The following AGBL3 variants were observed in gnomAD, a reference collection of about 807,000 sequenced individuals.
The protein encoded by AGBL3 is cytosolic carboxypeptidase 3.
AGBL3 carries 68 observed loss-of-function variants against 94.5 expected under a neutral mutation model. That is an observed-to-expected ratio of 0.72 (90% CI 0.59 to 0.88). The LOEUF is 0.88. Among genes scored for constraint, AGBL3 ranks in the 40% least tolerant of loss-of-function variants. The pLI is 0.00. For missense variants in AGBL3, 934 were observed against 1,103.8 expected, an observed-to-expected ratio of 0.85 and a Z score of 2.18; for synonymous variants, 354 against 370.7, an observed-to-expected ratio of 0.95 and a Z score of 0.52.
Position 135,128,031 on chromosome 7 carries a change from C to T in AGBL3, c.2343-6810C>T, listed in dbSNP as rs184547836. ...GGGATCTGCCAGGCACGGTGGCTCACGCCTATAATCCCAGCTCTTTGGGAG... is the reference window on the plus strand; with the variant it reads ...GGGATCTGCCAGGCACGGTGGCTCATGCCTATAATCCCAGCTCTTTGGGAG... On this transcript the variant is annotated intron_variant, in intron 16 of 16. Transcript: ENST00000436302. Among the ~76,000 whole-genome samples the T allele has an allele frequency of 4.0e-3, 604 of 152,174 alleles. 10 individuals are homozygous for T. The highest frequency in any genetic ancestry group is 0.02 in the Middle Eastern group (6 of 294).
At chr7:135,015,738 G>T (rs940491888) in intron 4 of AGBL3, among the ~76,000 whole-genome samples, 6 of 151,826 alleles carry the variant, frequency 4.0e-5, no homozygotes, top group Non-Finnish European at 5.9e-5. Flanking sequence ...ACACAGGCCG[G>T]GCATGGTGGC....
chr7:135,012,921 AAC>A (rs550890036), intron 4 of AGBL3, among the ~76,000 whole-genome samples: 2 of 152,290 alleles, frequency 1.3e-5, no homozygotes, highest in South Asian at 4.1e-4. Context: ...AGAAAAAAGA[AAC>A]AATGAAAAAT....
intron 4 of AGBL3, among the ~76,000 whole-genome samples, chr7:135,014,235 T>C (rs1233992833): frequency 7.0e-6 from 1 of 143,528 alleles, no homozygotes; most frequent in African/African-American, 2.6e-5. Context: ...AAACCCGAAA[T>C]GTTGATACCT....
chr7:135,035,966 G>A (rs1179347070), intron 7 of AGBL3, among the ~76,000 whole-genome samples: 1 of 152,066 alleles, frequency 6.6e-6, no homozygotes. Context: ...GGCAGCAAAT[G>A]AGAAAAGGGC....
At chr7:135,016,436 T>TAA (rs1028957587) in intron 4 of AGBL3, among the ~76,000 whole-genome samples, 5 of 146,840 alleles carry the variant, frequency 3.4e-5, no homozygotes, top group African/African-American at 1.2e-4. Context: ...CTTCGTTCAT[T>TAA]AAAAAAAAAA....
At chr7:135,052,970 A>G (rs1419926561) in intron 11 of AGBL3, among the ~76,000 whole-genome samples, 2 of 152,208 alleles carry the variant, frequency 1.3e-5, no homozygotes, top group African/African-American at 4.8e-5. Context: ...ACTTTGTAAC[A>G]TCTGATACAC....
intron 15 of AGBL3, among the ~76,000 whole-genome samples, chr7:135,112,155 T>A (rs1825730716): frequency 6.6e-6 from 1 of 152,368 alleles, no homozygotes; most frequent in Admixed American, 6.5e-5. Flanking sequence ...ATCCTAATGC[T>A]ACCGCTAATT....
intron 4 of AGBL3, among the ~76,000 whole-genome samples, chr7:135,004,868 A>C (rs1812190132): frequency 6.6e-6 from 1 of 151,354 alleles, no homozygotes; most frequent in Non-Finnish European, 1.5e-5. Flanking sequence ...TATTAGTTCT[A>C]GTTTTGTGCT....
At chr7:135,067,932 C>T (rs1485110629) in intron 12 of AGBL3, among the ~76,000 whole-genome samples, 1 of 152,090 alleles carries the variant, frequency 6.6e-6, no homozygotes, top group Non-Finnish European at 1.5e-5. Flanking sequence ...GACAATCAAA[C>T]TACTCCAAGC....
intron 4 of AGBL3, among the ~76,000 whole-genome samples, chr7:135,001,774 A>G (rs183822772): frequency 1.3e-5 from 2 of 152,330 alleles, no homozygotes; most frequent in African/African-American, 2.4e-5. Context: ...CTGAAATTCA[A>G]GCTTGGCCCA....
intron 15 of AGBL3, among the ~76,000 whole-genome samples, chr7:135,103,465 T>G (rs1262490194): frequency 2.0e-5 from 3 of 152,184 alleles, no homozygotes; most frequent in Non-Finnish European, 4.4e-5. Context: ...GTTTCTTTAT[T>G]TTCTTAATAT....
chr7:135,058,963 G>A (rs1392162389), intron 11 of AGBL3, among the ~76,000 whole-genome samples: 2 of 152,106 alleles, frequency 1.3e-5, no homozygotes, highest in Non-Finnish European at 2.9e-5. Context: ...CACCATGTTG[G>A]TCAGGCTGGT....
chr7:135,084,359 G>T (rs1006547986), intron 15 of AGBL3, among the ~76,000 whole-genome samples: 7 of 152,006 alleles, frequency 4.6e-5, no homozygotes, highest in Non-Finnish European at 8.8e-5. Context: ...TTCAAAATCT[G>T]CTCTCCTAGC....
At chr7:134,991,104 A>G (rs1432568122) in intron 3 of AGBL3, among the ~76,000 whole-genome samples, 2 of 146,522 alleles carry the variant, frequency 1.4e-5, no homozygotes, top group Non-Finnish European at 3.0e-5. Context: ...AGATGGTTCA[A>G]AGTCCTGTTT....
At chr7:135,040,885 CCA>C (rs1554502035) in intron 8 of AGBL3, among the ~76,000 whole-genome samples, 6 of 120,974 alleles carry the variant, frequency 5.0e-5, no homozygotes, top group South Asian at 2.9e-4. Context: ...CACACACACA[CCA>C]CACACACACA....
chr7:135,128,024 T>C (rs763157180), intron 16 of AGBL3, among the ~76,000 whole-genome samples: 3 of 152,090 alleles, frequency 2.0e-5, no homozygotes, highest in Non-Finnish European at 4.4e-5. Context: ...CCAGGCACGG[T>C]GGCTCACGCC....
chr7:135,128,344 G>T, intron 16 of AGBL3: 2 of 242,762 alleles, frequency 8.2e-6, no homozygotes, highest in East Asian at 8.7e-5. Context: ...AAAACAACAA[G>T]GCATTTGTAA....
chr7:135,075,266 G>T (rs190708229), intron 12 of AGBL3, among the ~76,000 whole-genome samples: 2 of 152,092 alleles, frequency 1.3e-5, no homozygotes, highest in Non-Finnish European at 1.5e-5. Context: ...AATCTGTTCC[G>T]CATTTCTGTA....
chr7:135,083,576 A>G (rs950560063), intron 15 of AGBL3, among the ~76,000 whole-genome samples: 5 of 152,188 alleles, frequency 3.3e-5, no homozygotes, highest in Non-Finnish European at 5.9e-5. Flanking sequence ...TCAACTTGAT[A>G]CAACACTATT....
Sources: gnomAD v4.1 joint callset for allele counts (sites outside exome capture counted in the v4.1 genomes callset) on GRCh38, gnomAD v4.1.1 for gene constraint, MANE v1.5 for transcripts, NCBI Gene and HGNC (gene_info 2026-07-23, HGNC 2026-07-21) for gene names.